Variants in KCNIP1 observed in about 807,000 individuals in gnomAD.
The protein encoded by KCNIP1 is A-type potassium channel modulatory protein KCNIP1.
A neutral mutation model predicts 33.0 loss-of-function variants in KCNIP1; 18 were observed. That is an observed-to-expected ratio of 0.55 (90% confidence interval 0.38 to 0.81). KCNIP1 has a LOEUF of 0.81. Among genes scored for constraint, KCNIP1 ranks in the 30% least tolerant of loss-of-function variants. The probability of loss-of-function intolerance (pLI) is 0.00; values close to 1 mark genes in which losing one functional copy is unlikely to be tolerated. For synonymous variants in KCNIP1, 93 were observed against 98.3 expected, an observed-to-expected ratio of 0.95 and a Z score of 0.32; for missense variants, 238 against 271.6, an observed-to-expected ratio of 0.88 and a Z score of 0.87.
intron 1 of KCNIP1, among the ~76,000 whole-genome samples, chr5:170,419,763 C>A (rs1755431646): frequency 6.6e-6 from 1 of 152,228 alleles, no homozygotes; most frequent in South Asian, 2.1e-4. Context: ...CAGGCCTGAG[C>A]AGGCCATGAT....
At chr5:170,361,570 C>G (rs1763514310) in intron 1 of KCNIP1, among the ~76,000 whole-genome samples, 1 of 152,168 alleles carries the variant, frequency 6.6e-6, no homozygotes. Context: ...TGCTTGCTGT[C>G]TTAGGCCATC....
chr5:170,618,990 G>A (rs962176222), intron 1 of KCNIP1, among the ~76,000 whole-genome samples: 1 of 152,116 alleles, frequency 6.6e-6, no homozygotes, highest in African/African-American at 2.4e-5. Context: ...TGGAAGGAAG[G>A]TCCCTGCAGG....
chr5:170,468,236 A>G (rs1756650490), intron 1 of KCNIP1, among the ~76,000 whole-genome samples: 1 of 152,202 alleles, frequency 6.6e-6, no homozygotes, highest in Non-Finnish European at 1.5e-5. Context: ...TAAATATCTG[A>G]GAAGGTTTGT....
intron 1 of KCNIP1, among the ~76,000 whole-genome samples, chr5:170,410,996 A>G (rs1755171072): frequency 6.6e-6 from 1 of 152,200 alleles, no homozygotes; most frequent in East Asian, 1.9e-4. Context: ...TATCAAAGTA[A>G]ATATAGATGG....
chr5:170,695,848 G>A (rs185652675), intron 1 of KCNIP1, among the ~76,000 whole-genome samples: 15 of 152,050 alleles, frequency 9.9e-5, no homozygotes, highest in South Asian at 4.2e-4. Flanking sequence ...ATGAAACCCC[G>A]TCTCTACTAA....
At chr5:170,613,871 CTTGG>C (rs1437992794) in intron 1 of KCNIP1, among the ~76,000 whole-genome samples, 1 of 152,214 alleles carries the variant, frequency 6.6e-6, no homozygotes, top group Admixed American at 6.5e-5. Flanking sequence ...ACAGGGGCCA[CTTGG>C]TGTCTGTGTG....
intron 1 of KCNIP1, among the ~76,000 whole-genome samples, chr5:170,676,731 G>A (rs148839076): frequency 6.6e-6 from 1 of 152,278 alleles, no homozygotes; most frequent in Non-Finnish European, 1.5e-5. Flanking sequence ...AGATAACTAA[G>A]TGAACTGCTC....
chr5:170,384,061 T>C (rs967883909), intron 1 of KCNIP1, among the ~76,000 whole-genome samples: 17 of 152,172 alleles, frequency 1.1e-4, no homozygotes, highest in African/African-American at 4.1e-4. Context: ...TCTTAGACAT[T>C]ATCTATATGA....
At chr5:170,459,261 C>T (rs1334839923) in intron 1 of KCNIP1, among the ~76,000 whole-genome samples, 2 of 152,068 alleles carry the variant, frequency 1.3e-5, no homozygotes, top group Admixed American at 1.3e-4. Flanking sequence ...TTCAATACTC[C>T]ACTGACAGCA....
chr5:170,644,244 G>T (rs1346860825), intron 1 of KCNIP1, among the ~76,000 whole-genome samples: 1 of 152,234 alleles, frequency 6.6e-6, no homozygotes, highest in Non-Finnish European at 1.5e-5. Flanking sequence ...GTCAGGTCCT[G>T]GGGATGTAAT....
chr5:170,356,686 A>AT (rs1220433270), intron 1 of KCNIP1, among the ~76,000 whole-genome samples: 4 of 152,072 alleles, frequency 2.6e-5, no homozygotes, highest in East Asian at 1.9e-4. Flanking sequence ...GACCATGTGC[A>AT]TTTTTTTGCT....
At chr5:170,478,830 G>A (rs1756913298) in intron 1 of KCNIP1, among the ~76,000 whole-genome samples, 1 of 151,746 alleles carries the variant, frequency 6.6e-6, no homozygotes, top group Non-Finnish European at 1.5e-5. Flanking sequence ...ACAGACAGCT[G>A]AACACTTCCT....
chr5:170,576,168 C>T (rs1032974312), intron 1 of KCNIP1, among the ~76,000 whole-genome samples: 2 of 152,128 alleles, frequency 1.3e-5, no homozygotes, highest in East Asian at 1.9e-4. Flanking sequence ...AAATGGATAC[C>T]GGCTATCAGT....
chr5:170,355,142 C>A (rs561377819), intron 1 of KCNIP1, among the ~76,000 whole-genome samples: 2 of 152,266 alleles, frequency 1.3e-5, no homozygotes, highest in Admixed American at 1.3e-4. Flanking sequence ...GATGTTCTGA[C>A]CTTCCTGTTA....
In KCNIP1 at chr5:170,523,817, C is replaced by CA. The variant is rs1340982378; in HGVS notation, c.61+19184_61+19185insA. 3.3e-5 allele frequency among the ~76,000 whole-genome samples: 5 copies of CA among 152,186 alleles called. 1 individual carries two copies. Among genetic ancestry groups the CA allele is most frequent in the Admixed American group, 1.3e-4 (2 of 15,276 alleles). On this transcript the variant is annotated intron_variant, in intron 1 of 7. Transcript: ENST00000328939. ...TCCAGCCTGAGCCATTCTCCTCCTACCCCAGTCTGCCTCTCAGTCCATATT... is the reference window on the plus strand; with the variant it reads ...TCCAGCCTGAGCCATTCTCCTCCTACACCCAGTCTGCCTCTCAGTCCATATT...
intron 1 of KCNIP1, chr5:170,385,529 A>G: frequency 6.6e-7 from 1 of 1,516,244 alleles, no homozygotes; most frequent in Non-Finnish European, 9.1e-7. Context: ...TGATCCACAG[A>G]AAGAGAGGAC....
At chr5:170,511,140 C>A (rs552376775) in intron 1 of KCNIP1, among the ~76,000 whole-genome samples, 1 of 152,186 alleles carries the variant, frequency 6.6e-6, no homozygotes, top group Non-Finnish European at 1.5e-5. Context: ...ACCGAGGAGA[C>A]GGAGGTTGCA....
chr5:170,561,179 C>T, intron 1 of KCNIP1: 1 of 452,544 alleles, frequency 2.2e-6, no homozygotes, highest in Non-Finnish European at 4.4e-6. Context: ...ATGAAACACC[C>T]ATAACATTTA....
intron 1 of KCNIP1, among the ~76,000 whole-genome samples, chr5:170,522,653 C>G (rs186115410): frequency 1.3e-5 from 2 of 152,190 alleles, no homozygotes; most frequent in Non-Finnish European, 1.5e-5. Flanking sequence ...ACACAGCCAG[C>G]AGCCTCCCCA....
Sources: gnomAD v4.1 joint callset for allele counts (sites outside exome capture counted in the v4.1 genomes callset) on GRCh38, gnomAD v4.1.1 for gene constraint, MANE v1.5 for transcripts, NCBI Gene and HGNC (gene_info 2026-07-23, HGNC 2026-07-21) for gene names.